GPN3: variants seen among roughly 807,000 people sequenced by gnomAD.
GPN3 encodes ATP-binding domain 1 family member C.
Under a neutral mutation model 38.7 loss-of-function variants are expected in GPN3, and 31 were observed. The ratio of observed to expected loss-of-function variants is 0.80; its 90% CI spans 0.60 to 1.08. The LOEUF is 1.08. Among genes scored for constraint, GPN3 ranks in the 50% least tolerant of loss-of-function variants. The pLI, the probability that GPN3 is intolerant of heterozygous loss-of-function variation, is 0.00. For missense variants in GPN3, 301 were observed against 354.4 expected, an observed-to-expected ratio of 0.85 and a Z score of 1.21; for synonymous variants, 116 against 120.2, an observed-to-expected ratio of 0.96 and a Z score of 0.23.
chr12:110,461,148 T>G (rs1484169610), intron 2 of GPN3: 5 of 1,307,018 alleles, frequency 3.8e-6, no homozygotes, highest in Admixed American at 3.4e-5. Context: ...AAATTTGCCA[T>G]GAAGGAGATG....
rs186067786 is a variant in GPN3, at chr12:110,464,075, T to C, written c.157+1031A>G. Among the ~76,000 whole-genome samples, 1,203 of 151,970 alleles carry C rather than the reference T, an allele frequency of 7.9e-3. 17 individuals are homozygous for C. The highest frequency in any genetic ancestry group is 0.014 in the Middle Eastern group (4 of 292). On this transcript the variant is annotated intron_variant, in intron 2 of 7. Coordinates refer to ENST00000228827, the MANE Select transcript of GPN3 (RefSeq NM_016301.4). ...GACTTGAACTCCTGGGCTCAAGTGA[T>C]CCTCCCACATCAGCCTCCCAAGTAG...
At chr12:110,463,726 G>A (rs2062608355) in intron 2 of GPN3, among the ~76,000 whole-genome samples, 1 of 149,962 alleles carries the variant, frequency 6.7e-6, no homozygotes, top group Non-Finnish European at 1.5e-5. Flanking sequence ...TTGAGCTCAG[G>A]AGGCAGAGGT....
In GPN3 at chr12:110,453,075, A is replaced by T. The variant is rs1398080267; in HGVS notation, c.814T>A (p.Ser272Thr). 1 of 1,460,380 alleles carries T rather than the reference A, an allele frequency of 6.8e-7. No homozygotes were observed. The highest frequency in any genetic ancestry group is 9.6e-7 in the Non-Finnish European group (1 of 1,043,010). The allele number at this position is 1,460,380 out of a possible 1,614,324, so 90.5% of individuals were successfully genotyped here. A position where few individuals can be genotyped will look rare whatever the true frequency, so the allele number is the denominator to read the frequency against. ...TCTTGAAAATATTCGTCAAACATAG[A>T]GGAAGACTCATCTTCACGTTCCTGA... ...EPKEREDESSSMFDEYFQECQ... is the reference protein window; with the variant it reads ...EPKEREDESSTMFDEYFQECQ... Residue 272 changes from serine to threonine, a missense_variant, in exon 8 of 8, where the codon TCT becomes ACT. Coordinates refer to ENST00000228827, the MANE Select transcript of GPN3 (RefSeq NM_016301.4).
Position 110,459,857 on chromosome 12 carries a change from G to C in GPN3, c.163C>G (p.Arg55Gly). 3 of 1,613,448 alleles carry C rather than the reference G, an allele frequency of 1.9e-6. No homozygotes were observed. Among genetic ancestry groups the C allele is most frequent in the Non-Finnish European group, 2.5e-6 (3 of 1,179,416 alleles). The change falls in exon 3 of 8, where the codon CGG becomes GGG. Residue 55 changes from arginine to glycine, a missense_variant. By Grantham distance (125) the Arg-to-Gly change is moderately radical. Transcript: ENST00000228827. ...ACATCATCCACCTCGATCAGTTCCC[G>C]GATGTCTGAAAAGGACAGATAGGGC... ...HFNYSVMADI[R>G]ELIEVDDVME...
intron 2 of GPN3, among the ~76,000 whole-genome samples, chr12:110,463,606 CAAAAAAAAAAAAAAAAAAA>C (rs60072879): frequency 7.8e-5 from 5 of 64,290 alleles, no homozygotes; most frequent in African/African-American, 2.0e-4. Flanking sequence ...CCTGTCTCTA[CAAAAAAAAAAAAAAAAAAA>C]AAAAAAAAAA....
chr12:110,465,233 T>C lies in GPN3; in HGVS notation c.49-19A>G. ...AGGTGCTCTGTAATGTCACAAGGCA[T>C]GAGAGGTTAAAGCAACAGGTAGTGT... On this transcript the variant is annotated intron_variant, in intron 1 of 7. Transcript: ENST00000228827. 1 of 1,409,028 alleles carries C rather than the reference T, an allele frequency of 7.1e-7. No individual in the cohort carries two copies. The highest frequency in any genetic ancestry group is 1.0e-6 in the Non-Finnish European group (1 of 992,364). The allele number at this position is 1,409,028 out of a possible 1,614,324, so 87.3% of individuals were successfully genotyped here.
In GPN3 at chr12:110,457,367, C is replaced by G. The variant is rs1456827754; in HGVS notation, c.450+143G>C. 8.2e-6 allele frequency: 4 copies of G among 489,098 alleles called. No homozygotes were observed. In the East Asian group the frequency reaches 1.5e-4, roughly 19 times the overall value. 30.3% of individuals were successfully genotyped at this position (489,098 alleles called of 1,614,324 possible). Reference sequence around the variant, plus strand: ...ACTCAGGAGGCTGAGGCACAAGAATCACTTGAACTGGGAGGCGGAGGTTGC... The same window carrying G: ...ACTCAGGAGGCTGAGGCACAAGAATGACTTGAACTGGGAGGCGGAGGTTGC... On this transcript the variant is annotated intron_variant, in intron 4 of 7. Coordinates refer to ENST00000228827, the MANE Select transcript of GPN3 (RefSeq NM_016301.4).
In GPN3 at chr12:110,468,239, C is replaced by T. The variant is rs534643397; in HGVS notation, c.-36G>A. 1.2e-6 allele frequency: 2 copies of T among 1,606,460 alleles called. No individual in the cohort carries two copies. The highest frequency in any genetic ancestry group is 1.7e-6 in the Non-Finnish European group (2 of 1,179,810). On this transcript the variant is annotated 5_prime_UTR_variant, in exon 1 of 8. Transcript: ENST00000228827. Reference sequence around the variant, plus strand: ...GGAGCCGCCCGCCACACTCCCTTAGCCTTCGCGCGACGCCCACTGAGCTCC... The same window carrying T: ...GGAGCCGCCCGCCACACTCCCTTAGTCTTCGCGCGACGCCCACTGAGCTCC...
At chr12:110,454,022 C>T (rs973182936) in intron 6 of GPN3, 151 bp from the exon 7 acceptor site, 2 of 603,132 alleles carry the variant, frequency 3.3e-6, no homozygotes, top group African/African-American at 3.7e-5. Context: ...TAGCTAGACA[C>T]AGAGAGTAAA....
chr12:110,453,902 T>C (rs2062532002), intron 6 of GPN3, 31 bp from the exon 7 acceptor site: 1 of 1,571,986 alleles, frequency 6.4e-7, no homozygotes, highest in Non-Finnish European at 8.7e-7. Flanking sequence ...GAAAAGTTCA[T>C]TCTGAAGTTG....
Position 110,468,204 on chromosome 12 carries a change from G to A in GPN3, c.-1C>T. On this transcript the variant is annotated 5_prime_UTR_variant, in exon 1 of 8. Coordinates refer to ENST00000228827, the MANE Select transcript of GPN3 (RefSeq NM_016301.4). ...TGACCAGCTGCGCATACCGAGGCAT[G>A]TTGGCTCCCGGAGCCGCCCGCCACA... 4 of 1,606,470 alleles carry A rather than the reference G, an allele frequency of 2.5e-6. No homozygotes were observed. Among genetic ancestry groups the A allele is most frequent in the Non-Finnish European group, 3.4e-6 (4 of 1,179,920 alleles).
At position 110,462,909 on chromosome 12, in the gene GPN3, A is replaced by C. The variant is rs540851792; in HGVS notation, c.157+2197T>G. On this transcript the variant is annotated intron_variant, in intron 2 of 7. Coordinates refer to ENST00000228827, the MANE Select transcript of GPN3 (RefSeq NM_016301.4). ...GTAGCTGGGACCACAGGCGCCCGCC[A>C]CCATGCCCGGCTAGTTTTTTGTATT... 2.6e-5 allele frequency among the ~76,000 whole-genome samples: 4 copies of C among 152,248 alleles called. No individual in the cohort carries two copies. In the South Asian group the frequency reaches 8.3e-4, roughly 32 times the overall value.
At chr12:110,465,014 A>G (rs1360838892) in intron 2 of GPN3, 92 bp downstream of exon 2, 1 of 763,760 alleles carries the variant, frequency 1.3e-6, no homozygotes, top group African/African-American at 1.7e-5. Context: ...GATCCAGACT[A>G]TAATAAGTAT....
intron 3 of GPN3, 117 bp downstream of exon 3, chr12:110,459,578 G>T: frequency 1.3e-6 from 1 of 755,130 alleles, no homozygotes. Flanking sequence ...CATTGAATAA[G>T]CTTGGTACTT....
At chr12:110,462,591 C>A (rs998783605) in intron 2 of GPN3, among the ~76,000 whole-genome samples, 9 of 152,126 alleles carry the variant, frequency 5.9e-5, no homozygotes, top group Middle Eastern at 3.4e-3. Flanking sequence ...GGTTGTACTT[C>A]TTTTTTTAAT....
chr12:110,464,889 G>A (rs538424530), intron 2 of GPN3: 46 of 528,356 alleles, frequency 8.7e-5, no homozygotes, highest in African/African-American at 7.6e-4. Flanking sequence ...CTCCGCGCCC[G>A]GCCCCATTTA....
intron 2 of GPN3, chr12:110,460,891 C>A: frequency 1.5e-6 from 1 of 669,766 alleles, no homozygotes. Context: ...TTGAACCCAG[C>A]AGGCAGAGGT....
At chr12:110,467,462 C>A (rs1252498143) in intron 1 of GPN3, among the ~76,000 whole-genome samples, 1 of 152,098 alleles carries the variant, frequency 6.6e-6, no homozygotes, top group Admixed American at 6.6e-5. Flanking sequence ...TATATAAAAT[C>A]TTTAAATGTT....
At chr12:110,460,614 T>C (rs1443248701) in intron 2 of GPN3, among the ~76,000 whole-genome samples, 2 of 152,076 alleles carry the variant, frequency 1.3e-5, no homozygotes, top group Non-Finnish European at 2.9e-5. Context: ...GGCGGATCAC[T>C]TGAGGTCAGG....
Sources: allele counts gnomAD v4.1 joint callset (sites outside exome capture counted in the v4.1 genomes callset), GRCh38; gene constraint gnomAD v4.1.1; transcripts MANE v1.5; gene names NCBI Gene and HGNC (gene_info 2026-07-23, HGNC 2026-07-21).